ASIC2: variants seen among roughly 807,000 people sequenced by gnomAD.
ASIC2 encodes the protein acid sensing ion channel subunit 2.
A neutral mutation model predicts 57.3 loss-of-function variants in ASIC2; 25 were observed. The observed-to-expected ratio is 0.44, with a 90% CI of 0.32 to 0.61. The LOEUF is 0.61. ASIC2 is among the 20% of genes least tolerant of loss of function. The probability of loss-of-function intolerance (pLI) is 0.06; values close to 1 mark genes in which losing one functional copy is unlikely to be tolerated. For missense variants in ASIC2, 641 were observed against 738.1 expected (o/e 0.87, Z 1.52); for synonymous variants, 319 against 307.5 (o/e 1.04, Z -0.39).
Position 33,437,965 on chromosome 17 carries a change from C to A in ASIC2, c.556-325898G>T, listed in dbSNP as rs531303028. ...TAAACTACAGGCTTTTATTAGGCAA[C>A]CAAGAAAGAGCTAAGTAATAAAATA... On this transcript the variant is annotated intron_variant, in intron 1 of 9. Transcript: ENST00000359872. Among the ~76,000 whole-genome samples the A allele has an allele frequency of 9.7e-4, 147 of 152,166 alleles. 1 individual carries two copies. Among genetic ancestry groups the A allele is most frequent in the African/African-American group, 3.4e-3 (141 of 41,508 alleles).
chr17:33,404,950 A>C (rs955074126), intron 1 of ASIC2, among the ~76,000 whole-genome samples: 2 of 152,112 alleles, frequency 1.3e-5, no homozygotes, highest in African/African-American at 2.4e-5. Flanking sequence ...AAAAAACTTG[A>C]ATGACTTATT....
chr17:33,796,291 G>T (rs1597879424), intron 1 of ASIC2, among the ~76,000 whole-genome samples: 1 of 152,120 alleles, frequency 6.6e-6, no homozygotes, highest in Non-Finnish European at 1.5e-5. Flanking sequence ...ATAATGCTAA[G>T]CACATCTGGG....
At chr17:33,599,984 G>A (rs1011826139) in intron 1 of ASIC2, among the ~76,000 whole-genome samples, 16 of 152,196 alleles carry the variant, frequency 1.1e-4, no homozygotes, top group African/African-American at 3.9e-4. Context: ...AATATGTTCA[G>A]AAACTTAACA....
At chr17:33,101,174 C>T (rs1366140662) in intron 2 of ASIC2, among the ~76,000 whole-genome samples, 3 of 152,182 alleles carry the variant, frequency 2.0e-5, no homozygotes, top group Admixed American at 6.5e-5. Flanking sequence ...GGCACCATGA[C>T]AAGAGGTTTT....
intron 1 of ASIC2, among the ~76,000 whole-genome samples, chr17:34,142,609 T>A (rs1912302485): frequency 1.3e-5 from 2 of 152,320 alleles, no homozygotes; most frequent in South Asian, 4.1e-4. Context: ...ATAGTCTCTC[T>A]CCAGAGCTCC....
At chr17:33,547,194 G>C (rs1177306945) in intron 1 of ASIC2, among the ~76,000 whole-genome samples, 1 of 152,134 alleles carries the variant, frequency 6.6e-6, no homozygotes, top group Non-Finnish European at 1.5e-5. Flanking sequence ...ACTGTCCTAG[G>C]AGACAGCACA....
intron 1 of ASIC2, among the ~76,000 whole-genome samples, chr17:33,428,776 A>G (rs1911303595): frequency 6.6e-6 from 1 of 152,078 alleles, no homozygotes; most frequent in East Asian, 1.9e-4. Context: ...CCTCCCACCC[A>G]CCATTGTTTT....
At chr17:34,141,744 C>T (rs1265883002) in intron 1 of ASIC2, among the ~76,000 whole-genome samples, 1 of 152,230 alleles carries the variant, frequency 6.6e-6, no homozygotes, top group Non-Finnish European at 1.5e-5. Context: ...CGCCTCTCTG[C>T]AAACCAGAGA....
In ASIC2 at chr17:33,344,363, C is replaced by T. The variant is rs367607196; in HGVS notation, c.556-232296G>A. Reference sequence around the variant, plus strand: ...CTCTTCCTGCAGCAGCATCCAGGCACATACAGGCCAGTTGGCTGTCATTTT... The same window carrying T: ...CTCTTCCTGCAGCAGCATCCAGGCATATACAGGCCAGTTGGCTGTCATTTT... On this transcript the variant is annotated intron_variant, in intron 1 of 9. Transcript: ENST00000359872. Among the ~76,000 whole-genome samples, 17 of 152,286 alleles carry T rather than the reference C, an allele frequency of 1.1e-4. No homozygotes were observed. The East Asian group carries it at 1.9e-3, about 17-fold the overall frequency.
intron 1 of ASIC2, among the ~76,000 whole-genome samples, chr17:33,893,518 C>T (rs1166865575): frequency 1.3e-5 from 2 of 152,190 alleles, no homozygotes; most frequent in African/African-American, 4.8e-5. Flanking sequence ...ACCTACAAGG[C>T]TATTTTGAGA....
intron 1 of ASIC2, among the ~76,000 whole-genome samples, chr17:34,007,300 T>C (rs1459315126): frequency 6.6e-6 from 1 of 152,216 alleles, no homozygotes; most frequent in African/African-American, 2.4e-5. Context: ...TTTGAACTCA[T>C]CTTCTGCCAA....
At chr17:33,524,000 A>G (rs1914817856) in intron 1 of ASIC2, among the ~76,000 whole-genome samples, 1 of 152,100 alleles carries the variant, frequency 6.6e-6, no homozygotes, top group Non-Finnish European at 1.5e-5. Flanking sequence ...TCTTTCAGTC[A>G]TACACTCAGG....
intron 1 of ASIC2, among the ~76,000 whole-genome samples, chr17:33,865,274 A>G (rs951755950): frequency 6.6e-6 from 1 of 152,226 alleles, no homozygotes; most frequent in African/African-American, 2.4e-5. Flanking sequence ...ATTGTAAGCC[A>G]CATTTTGTTC....
intron 1 of ASIC2, among the ~76,000 whole-genome samples, chr17:33,469,252 G>T (rs1912963413): frequency 6.6e-6 from 1 of 152,236 alleles, no homozygotes; most frequent in African/African-American, 2.4e-5. Flanking sequence ...ACAGACTGGG[G>T]TGGACAAAGC....
chr17:33,042,235 A>G (rs1468461182), intron 3 of ASIC2, among the ~76,000 whole-genome samples: 1 of 152,206 alleles, frequency 6.6e-6, no homozygotes, highest in Non-Finnish European at 1.5e-5. Context: ...GCAGCACAGA[A>G]GCAGTGAGAC....
At chr17:34,075,798 C>T (rs145101481) in intron 1 of ASIC2, among the ~76,000 whole-genome samples, 77 of 151,134 alleles carry the variant, frequency 5.1e-4, no homozygotes, top group African/African-American at 1.7e-3. Context: ...GACATCCTCA[C>T]CTCTTTCAAG....
intron 1 of ASIC2, among the ~76,000 whole-genome samples, chr17:33,929,347 T>C (rs1915884926): frequency 6.6e-6 from 1 of 152,202 alleles, no homozygotes; most frequent in Non-Finnish European, 1.5e-5. Context: ...CTTGACTGTG[T>C]CTCCCACTGT....
intron 1 of ASIC2, among the ~76,000 whole-genome samples, chr17:33,523,019 A>T (rs948239356): frequency 1.3e-5 from 2 of 152,232 alleles, no homozygotes; most frequent in Non-Finnish European, 2.9e-5. Context: ...CAAGTGGGTG[A>T]CAAGAAGTGT....
intron 1 of ASIC2, among the ~76,000 whole-genome samples, chr17:34,124,346 C>A (rs1352102619): frequency 6.6e-6 from 1 of 152,184 alleles, no homozygotes; most frequent in Non-Finnish European, 1.5e-5. Flanking sequence ...CTGACCTACA[C>A]AATAGCATTT....
Sources: allele counts gnomAD v4.1 joint callset (sites outside exome capture counted in the v4.1 genomes callset), GRCh38; gene constraint gnomAD v4.1.1; transcripts MANE v1.5; gene names NCBI Gene and HGNC (gene_info 2026-07-23, HGNC 2026-07-21).